The following LPIN2 variants were observed in gnomAD, a reference collection of about 807,000 sequenced individuals.
LPIN2 encodes the protein phosphatidate phosphatase LPIN2.
In LPIN2, 55 loss-of-function variants were observed where a neutral mutation model predicts 111.4. That is an observed-to-expected ratio of 0.49 (90% CI 0.40 to 0.62). The LOEUF (loss-of-function observed/expected upper bound fraction) is 0.62, where lower values mean the gene tolerates loss of function less well. Among genes scored for constraint, LPIN2 ranks in the 20% least tolerant of loss-of-function variants. LPIN2 has a pLI of 0.00. For missense variants in LPIN2, 992 were observed against 1,112.1 expected (o/e 0.89, Z 1.54); for synonymous variants, 425 against 414.0 (o/e 1.03, Z -0.32).
chr18:2,954,523 T>C lies in LPIN2; in HGVS notation c.269A>G (p.Glu90Gly). 1 of 1,613,738 alleles carries C rather than the reference T, an allele frequency of 6.2e-7. No individual in the cohort carries two copies. Among genetic ancestry groups the C allele is most frequent in the Non-Finnish European group, 8.5e-7 (1 of 1,179,600 alleles). ...ACTTACATATTCTTCTTCAGTCTCC[T>C]CAACAAAGAAAGCTTCTCCGTTATC... ...LGDNGEAFFV[E>G]ETEEEYEKLP... The change falls in exon 3 of 20, where the codon GAG becomes GGG. Residue 90 changes from glutamate (E) to glycine (G), a missense_variant. By Grantham distance (98) the Glu-to-Gly change is moderately conservative. Coordinates refer to ENST00000677752, the MANE Select transcript of LPIN2 (RefSeq NM_001375808.2).
intron 8 of LPIN2, among the ~76,000 whole-genome samples, chr18:2,933,746 G>A (rs529511635): frequency 6.6e-6 from 1 of 152,268 alleles, no homozygotes; most frequent in South Asian, 2.1e-4. Flanking sequence ...ATTCCCCTAA[G>A]AGTAGAAATG....
intron 4 of LPIN2, among the ~76,000 whole-genome samples, chr18:2,950,101 A>C (rs1366353615): frequency 6.6e-6 from 1 of 152,216 alleles, no homozygotes; most frequent in Non-Finnish European, 1.5e-5. Flanking sequence ...AACCTGTCTC[A>C]ATTAAAAAAC....
chr18:2,932,968 A>G (rs928828490), intron 8 of LPIN2, among the ~76,000 whole-genome samples: 11 of 152,022 alleles, frequency 7.2e-5, no homozygotes, highest in African/African-American at 2.7e-4. Flanking sequence ...TACAGCAGCT[A>G]GTGTTACCCC....
chr18:2,987,675 T>A (rs930506211), intron 1 of LPIN2, among the ~76,000 whole-genome samples: 1 of 152,186 alleles, frequency 6.6e-6, no homozygotes, highest in Non-Finnish European at 1.5e-5. Context: ...TACTTAAAAA[T>A]TTTTTATTTA....
chr18:3,007,067 C>G (rs183842632), intron 1 of LPIN2, among the ~76,000 whole-genome samples: 2 of 140,026 alleles, frequency 1.4e-5, no homozygotes, highest in Non-Finnish European at 2.9e-5. Context: ...ATCTCTCTCT[C>G]AAGTAGTATT....
At chr18:3,011,144 C>T (rs1770918105) in intron 1 of LPIN2, among the ~76,000 whole-genome samples, 4 of 152,102 alleles carry the variant, frequency 2.6e-5, no homozygotes, top group South Asian at 2.1e-4. Flanking sequence ...CAATACAGGG[C>T]GATGAGAACT....
At chr18:2,939,840 T>C (rs1027552405) in intron 5 of LPIN2, among the ~76,000 whole-genome samples, 3 of 152,224 alleles carry the variant, frequency 2.0e-5, no homozygotes, top group African/African-American at 7.2e-5. Context: ...ACAAACACTG[T>C]AGATTCATAA....
intron 3 of LPIN2, among the ~76,000 whole-genome samples, chr18:2,953,331 T>C (rs1197402056): frequency 6.6e-6 from 1 of 152,136 alleles, no homozygotes; most frequent in African/African-American, 2.4e-5. Flanking sequence ...TTATAAATAA[T>C]TTTAAGAAAC....
chr18:3,007,209 C>A lies in LPIN2; in HGVS notation c.-10+5878G>T, dbSNP rs554440137. 5.3e-5 allele frequency among the ~76,000 whole-genome samples: 8 copies of A among 152,094 alleles called. No homozygotes were observed. In the South Asian group the frequency reaches 1.7e-3, roughly 32 times the overall value. On this transcript the variant is annotated intron_variant, in intron 1 of 19. Coordinates refer to ENST00000677752, the MANE Select transcript of LPIN2 (RefSeq NM_001375808.2). ...TTTTTGAGATGGAGTCTTGCTCTGT[C>A]GCCCAGGGCTGTAGTGCAGTGGTGC...
At chr18:2,953,887 C>T (rs1465071352) in intron 3 of LPIN2, among the ~76,000 whole-genome samples, 1 of 151,992 alleles carries the variant, frequency 6.6e-6, no homozygotes, top group African/African-American at 2.4e-5. Context: ...ATCAAGAATC[C>T]GTCGTTAACT....
chr18:2,924,293 G>C, intron 15 of LPIN2, 105 bp downstream of exon 15: 2 of 1,438,594 alleles, frequency 1.4e-6, no homozygotes, highest in Non-Finnish European at 2.0e-6. Context: ...AAATGCCTTG[G>C]CTGAGGGCTT....
In LPIN2 at chr18:2,919,570, T is replaced by G. The variant is rs76325993; in HGVS notation, c.*723A>C. The G allele has an allele frequency of 6.5e-6, 1 of 152,698 alleles. No individual in the cohort carries two copies. The highest frequency in any genetic ancestry group is 1.5e-5 in the Non-Finnish European group (1 of 68,474). The allele number at this position is 152,698 out of a possible 1,614,324, so 9.5% of individuals were successfully genotyped here. ...CACCTTCCCACTTTTATTACAGACATCAAATATATACTTGTGAGACCTGTT... is the reference window on the plus strand; with the variant it reads ...CACCTTCCCACTTTTATTACAGACAGCAAATATATACTTGTGAGACCTGTT... On this transcript the variant is annotated 3_prime_UTR_variant, in exon 20 of 20. Transcript: ENST00000677752.
At chr18:2,945,955 C>G in intron 4 of LPIN2, 1 of 1,402,316 alleles carries the variant, frequency 7.1e-7, no homozygotes. Context: ...AGTTTTTCTT[C>G]TACAACAGCT....
Position 2,919,750 on chromosome 18 carries a change from A to C in LPIN2, c.*543T>G. 5.6e-6 allele frequency: 1 copy of C among 179,496 alleles called. No individual in the cohort carries two copies. The highest frequency in any genetic ancestry group is 1.2e-5 in the Non-Finnish European group (1 of 83,586). The allele number at this position is 179,496 out of a possible 1,614,324, so 11.1% of individuals were successfully genotyped here. Reference sequence around the variant, plus strand: ...CCCTGCAGGGGCGGGGGTCCTGCCCAACTTGGCCCACTGGAGCAGCTGACC... The same window carrying C: ...CCCTGCAGGGGCGGGGGTCCTGCCCCACTTGGCCCACTGGAGCAGCTGACC... On this transcript the variant is annotated 3_prime_UTR_variant, in exon 20 of 20. Transcript: ENST00000677752.
chr18:3,007,057 A>ATC (rs371814990), intron 1 of LPIN2, among the ~76,000 whole-genome samples: 2 of 140,018 alleles, frequency 1.4e-5, no homozygotes, highest in Non-Finnish European at 2.9e-5. Flanking sequence ...ACAAAGCTTT[A>ATC]TCTCTCTCTC....
intron 2 of LPIN2, among the ~76,000 whole-genome samples, chr18:2,957,792 A>G (rs2063178098): frequency 6.6e-6 from 1 of 152,224 alleles, no homozygotes; most frequent in South Asian, 2.1e-4. Flanking sequence ...TGCCTAAGCT[A>G]GTAGAGGGTA....
chr18:2,959,919 T>C (rs975239853), intron 2 of LPIN2, among the ~76,000 whole-genome samples: 3 of 151,882 alleles, frequency 2.0e-5, no homozygotes, highest in South Asian at 2.1e-4. Context: ...TCCCAGAACT[T>C]TGGGAGGCCG....
chr18:2,970,671 A>C (rs532463623), intron 1 of LPIN2, among the ~76,000 whole-genome samples: 1 of 152,360 alleles, frequency 6.6e-6, no homozygotes, highest in East Asian at 1.9e-4. Flanking sequence ...GCCTGGCAAA[A>C]CTAGCAAGAA....
At chr18:2,958,166 A>AAAAAAAAAAAAAAAAAAAAC (rs1568571302) in intron 2 of LPIN2, among the ~76,000 whole-genome samples, 1 of 146,090 alleles carries the variant, frequency 6.8e-6, no homozygotes, top group East Asian at 2.1e-4. Context: ...AACAACAAAA[A>AAAAAAAAAAAAAAAAAAAAC]AAAAAAACAG....
Sources: allele counts gnomAD v4.1 joint callset (sites outside exome capture counted in the v4.1 genomes callset), GRCh38; gene constraint gnomAD v4.1.1; transcripts MANE v1.5; gene names NCBI Gene and HGNC (gene_info 2026-07-23, HGNC 2026-07-21).